The following NRXN1 variants were observed in gnomAD, a reference collection of about 807,000 sequenced individuals.
NRXN1 encodes the protein neurexin 1, also known as neurexin-1.
In NRXN1, 39 loss-of-function variants were observed where a neutral mutation model predicts 150.9. The ratio of observed to expected loss-of-function variants is 0.26; its 90% CI spans 0.20 to 0.34. The LOEUF (loss-of-function observed/expected upper bound fraction) is 0.34. Ranked by LOEUF, NRXN1 falls within the 10% of genes least tolerant of loss-of-function variation. The probability of loss-of-function intolerance (pLI) is 1.00; values close to 1 mark genes in which losing one functional copy is unlikely to be tolerated. For synonymous variants in NRXN1, 924 were observed against 757.0 expected, an observed-to-expected ratio of 1.22 and a Z score of -3.62; for missense variants, 1,815 against 1,949.9, an observed-to-expected ratio of 0.93 and a Z score of 1.30.
chr2:50,074,953 T>C (rs868703329), intron 19 of NRXN1, among the ~76,000 whole-genome samples: 6 of 152,240 alleles, frequency 3.9e-5, no homozygotes, highest in Middle Eastern at 3.4e-3. Context: ...ATTCAATACA[T>C]ACAACGGTAA....
intron 18 of NRXN1, among the ~76,000 whole-genome samples, chr2:50,200,701 GA>G (rs2062097511): frequency 6.6e-6 from 1 of 152,110 alleles, no homozygotes; most frequent in Admixed American, 6.6e-5. Context: ...GTTTCTGCAA[GA>G]AGTAAATATA....
intron 15 of NRXN1, among the ~76,000 whole-genome samples, chr2:50,485,665 G>A (rs2090817823): frequency 1.3e-5 from 2 of 152,220 alleles, no homozygotes; most frequent in African/African-American, 4.8e-5. Flanking sequence ...ACAGCAAGCT[G>A]GGCAGGACTG....
chr2:50,967,398 C>G (rs1384192180), intron 2 of NRXN1, among the ~76,000 whole-genome samples: 1 of 151,964 alleles, frequency 6.6e-6, no homozygotes, highest in Non-Finnish European at 1.5e-5. Context: ...CATCTGAATT[C>G]TATGATCACA....
rs200696046 is a variant in NRXN1, at chr2:51,028,689, A to G, written c.-416T>C. On this transcript the variant is annotated 5_prime_UTR_variant, in exon 2 of 23. Coordinates refer to ENST00000401669, the MANE Select transcript of NRXN1 (RefSeq NM_001330078.2). ...CAAATCCCATTATCTGCCAGGTTCCACCAGTGGTACCAGGCCAAAAGGAAG... is the reference window on the plus strand; with the variant it reads ...CAAATCCCATTATCTGCCAGGTTCCGCCAGTGGTACCAGGCCAAAAGGAAG... 3.1e-4 allele frequency: 51 copies of G among 167,004 alleles called. 1 individual carries two copies. The South Asian group carries it at 8.5e-3, about 28-fold the overall frequency. The allele number at this position is 167,004 out of a possible 1,614,324, so 10.3% of individuals were successfully genotyped here.
At chr2:50,753,769 G>A (rs544245891) in intron 5 of NRXN1, among the ~76,000 whole-genome samples, 1 of 151,670 alleles carries the variant, frequency 6.6e-6, no homozygotes, top group African/African-American at 2.4e-5. Flanking sequence ...AGTATGAAAC[G>A]ATTATATCAT....
intron 5 of NRXN1, among the ~76,000 whole-genome samples, chr2:50,749,979 T>C (rs760862086): frequency 2.0e-5 from 3 of 152,034 alleles, no homozygotes; most frequent in Non-Finnish European, 4.4e-5. Flanking sequence ...ATTCGTGGTT[T>C]TAAAATAAAA....
At chr2:49,933,058 G>A (rs1169066501) in intron 22 of NRXN1, among the ~76,000 whole-genome samples, 1 of 152,096 alleles carries the variant, frequency 6.6e-6, no homozygotes, top group East Asian at 1.9e-4. Flanking sequence ...AGCACTTTAG[G>A]TGTATTTTCT....
chr2:49,935,397 A>T (rs983542623), intron 22 of NRXN1, among the ~76,000 whole-genome samples: 3 of 152,100 alleles, frequency 2.0e-5, no homozygotes, highest in Admixed American at 2.0e-4. Flanking sequence ...TTTTAATGTA[A>T]TTAATGGCCT....
At chr2:50,567,598 C>G (rs1163863088) in intron 8 of NRXN1, among the ~76,000 whole-genome samples, 1 of 152,028 alleles carries the variant, frequency 6.6e-6, no homozygotes, top group Admixed American at 6.6e-5. Flanking sequence ...TTCCTTTTGC[C>G]TCAAGCTCCA....
intron 5 of NRXN1, among the ~76,000 whole-genome samples, chr2:50,634,762 C>T (rs1682982905): frequency 6.6e-6 from 1 of 152,082 alleles, no homozygotes; most frequent in Admixed American, 6.5e-5. Flanking sequence ...AGACCTGGCC[C>T]TTCCAGTTTA....
At chr2:50,641,203 G>A (rs761553644) in intron 5 of NRXN1, among the ~76,000 whole-genome samples, 14 of 152,124 alleles carry the variant, frequency 9.2e-5, no homozygotes, top group Non-Finnish European at 1.8e-4. Context: ...TTTTAACCAA[G>A]CCAAATGTTG....
At chr2:50,620,389 T>C (rs915630994) in intron 7 of NRXN1, among the ~76,000 whole-genome samples, 1 of 152,132 alleles carries the variant, frequency 6.6e-6, no homozygotes, top group African/African-American at 2.4e-5. Context: ...TTAGATTCTA[T>C]TCAACTAGCC....
intron 17 of NRXN1, among the ~76,000 whole-genome samples, chr2:50,408,442 G>C (rs745349599): frequency 6.6e-5 from 10 of 152,224 alleles, no homozygotes; most frequent in Admixed American, 1.3e-4. Flanking sequence ...AAGGCTGCAT[G>C]ATGTAGCTGA....
At chr2:50,923,357 G>C (rs1340943097) in intron 3 of NRXN1, 1 of 268,976 alleles carries the variant, frequency 3.7e-6, no homozygotes, top group Admixed American at 3.7e-5. Flanking sequence ...TTTCCTCAGA[G>C]AACAAAATTA....
chr2:50,766,348 T>C (rs1189086382), intron 5 of NRXN1, among the ~76,000 whole-genome samples: 1 of 151,958 alleles, frequency 6.6e-6, no homozygotes, highest in African/African-American at 2.4e-5. Flanking sequence ...CAAAAGCACC[T>C]GAATTGCTTG....
intron 8 of NRXN1, among the ~76,000 whole-genome samples, chr2:50,612,457 G>T (rs1678335697): frequency 6.6e-6 from 1 of 152,050 alleles, no homozygotes; most frequent in African/African-American, 2.4e-5. Context: ...CAGTTTCATG[G>T]ATTTGTTTTT....
At chr2:50,865,580 ATGTGTGTG>A (rs112867077) in intron 5 of NRXN1, among the ~76,000 whole-genome samples, 2 of 130,700 alleles carry the variant, frequency 1.5e-5, no homozygotes, top group Admixed American at 8.0e-5. Flanking sequence ...AAATATATAA[ATGTGTGTG>A]TGTGTGTGTG....
chr2:50,335,803 C>A (rs566948012), intron 17 of NRXN1, among the ~76,000 whole-genome samples: 1 of 152,224 alleles, frequency 6.6e-6, no homozygotes, highest in East Asian at 1.9e-4. Context: ...CTTAAAGAAT[C>A]TACCAAATCA....
At chr2:50,325,717 C>A (rs968149168) in intron 17 of NRXN1, among the ~76,000 whole-genome samples, 1 of 152,134 alleles carries the variant, frequency 6.6e-6, no homozygotes, top group South Asian at 2.1e-4. Flanking sequence ...ATAGCCTTGT[C>A]TAATTTTAGG....
Sources: allele counts gnomAD v4.1 joint callset (sites outside exome capture counted in the v4.1 genomes callset), GRCh38; gene constraint gnomAD v4.1.1; transcripts MANE v1.5; gene names NCBI Gene and HGNC (gene_info 2026-07-23, HGNC 2026-07-21).